The following UBE2QL1 variants were observed in gnomAD, a reference collection of about 807,000 sequenced individuals.
UBE2QL1 encodes the protein ubiquitin-conjugating enzyme E2Q-like protein 1.
A neutral mutation model predicts 12.6 loss-of-function variants in UBE2QL1; 5 were observed. The ratio of observed to expected loss-of-function variants is 0.40; its 90% confidence interval spans 0.21 to 0.83. The LOEUF (loss-of-function observed/expected upper bound fraction) is 0.83, where lower values mean the gene tolerates loss of function less well. Ranked by LOEUF, UBE2QL1 falls within the 40% of genes least tolerant of loss-of-function variation. The probability of loss-of-function intolerance (pLI) is 0.37; values close to 1 mark genes in which losing one functional copy is unlikely to be tolerated. For synonymous variants in UBE2QL1, 96 were observed against 94.5 expected (o/e 1.02, Z -0.10); for missense variants, 99 against 222.6 (o/e 0.44, Z 3.53).
chr5:6,490,400 G>T (rs778980638), intron 1 of UBE2QL1, among the ~76,000 whole-genome samples: 7 of 152,188 alleles, frequency 4.6e-5, no homozygotes, highest in Admixed American at 1.3e-4. Context: ...GTCTTGTGCC[G>T]TCATAAGATG....
At chr5:6,482,452 C>T (rs1249796540) in intron 1 of UBE2QL1, among the ~76,000 whole-genome samples, 1 of 152,218 alleles carries the variant, frequency 6.6e-6, no homozygotes, top group African/African-American at 2.4e-5. Context: ...CTGCTGCCCC[C>T]TCTCCTGCTT....
intron 1 of UBE2QL1, among the ~76,000 whole-genome samples, chr5:6,452,868 G>A (rs1207495829): frequency 6.6e-6 from 1 of 152,136 alleles, no homozygotes; most frequent in Non-Finnish European, 1.5e-5. Context: ...CAGCAGCAGG[G>A]TCCCCAAAAG....
At chr5:6,483,637 T>A (rs1485868006) in intron 1 of UBE2QL1, among the ~76,000 whole-genome samples, 1 of 152,202 alleles carries the variant, frequency 6.6e-6, no homozygotes, top group African/African-American at 2.4e-5. Flanking sequence ...CCTGGAAACA[T>A]TCTCGCTAGA....
intron 1 of UBE2QL1, among the ~76,000 whole-genome samples, chr5:6,455,883 C>T (rs1397426436): frequency 1.3e-5 from 2 of 152,124 alleles, no homozygotes; most frequent in East Asian, 1.9e-4. Flanking sequence ...CTTCAAAGCC[C>T]GACTTCTGTA....
At position 6,491,521 on chromosome 5, in the gene UBE2QL1, G is replaced by C; in HGVS notation, c.*172G>C. The C allele has an allele frequency of 1.2e-6, 1 of 844,112 alleles. No homozygotes were observed. The highest frequency in any genetic ancestry group is 1.7e-6 in the Non-Finnish European group (1 of 597,324). The allele number at this position is 844,112 out of a possible 1,614,324, so 52.3% of individuals were successfully genotyped here. A position where few individuals can be genotyped will look rare whatever the true frequency, so the allele number is the denominator to read the frequency against. The stretch of plus-strand genomic sequence containing the variant: ...GAAAAGATGTGTGTACAGAGAGGAA[G>C]AGGGAGCAAATGCCGTTCGGATTAT... On this transcript the variant is annotated 3_prime_UTR_variant, in exon 2 of 2. Transcript: ENST00000399816.
chr5:6,451,136 G>A (rs1231201030), intron 1 of UBE2QL1, among the ~76,000 whole-genome samples: 1 of 152,156 alleles, frequency 6.6e-6, no homozygotes, highest in African/African-American at 2.4e-5. Flanking sequence ...TTCCCTTCTG[G>A]GATCACAGAG....
chr5:6,469,624 G>A (rs1224091369), intron 1 of UBE2QL1, among the ~76,000 whole-genome samples: 5 of 150,190 alleles, frequency 3.3e-5, no homozygotes, highest in African/African-American at 9.8e-5. Flanking sequence ...AAATGAAAAT[G>A]TATGTTTAAA....
At chr5:6,457,557 C>A (rs1271067616) in intron 1 of UBE2QL1, among the ~76,000 whole-genome samples, 1 of 135,214 alleles carries the variant, frequency 7.4e-6, no homozygotes, top group Non-Finnish European at 1.5e-5. Flanking sequence ...CCCCTTCTTG[C>A]GATGCAACGT....
intron 1 of UBE2QL1, among the ~76,000 whole-genome samples, chr5:6,461,919 T>G (rs1157078244): frequency 2.0e-5 from 3 of 152,198 alleles, no homozygotes; most frequent in Non-Finnish European, 4.4e-5. Flanking sequence ...ATGTCCCATT[T>G]GGATAAGCCG....
rs1390281691 is a variant in UBE2QL1 at position 6,449,190 on chromosome 5, C to T, written c.297C>T (p.Ser99=). The T allele has an allele frequency of 1.3e-6, 2 of 1,503,002 alleles. No individual in the cohort carries two copies. Among genetic ancestry groups the T allele is most frequent in the Admixed American group, 2.1e-5 (1 of 47,652 alleles). 93.1% of individuals were successfully genotyped at this position (1,503,002 alleles called of 1,614,324 possible). ...TGCTCACGCCGCGCGGCTGGTCCAG[C>T]GCCTACACCGTGGAGGCCGTCATGC... ...MELLTPRGWS[S]AYTVEAVMRQ... The change falls in exon 1 of 2, where the codon AGC becomes AGT. Residue 99 remains serine, a synonymous_variant. Coordinates refer to ENST00000399816, the MANE Select transcript of UBE2QL1 (RefSeq NM_001145161.3).
At chr5:6,475,685 G>A (rs1400633456) in intron 1 of UBE2QL1, among the ~76,000 whole-genome samples, 4 of 137,504 alleles carry the variant, frequency 2.9e-5, no homozygotes, top group Admixed American at 7.7e-5. Flanking sequence ...GGGCCCGGGG[G>A]AAGTGTGAGC....
At chr5:6,454,272 A>T (rs1306107321) in intron 1 of UBE2QL1, among the ~76,000 whole-genome samples, 4 of 152,166 alleles carry the variant, frequency 2.6e-5, no homozygotes, top group Non-Finnish European at 5.9e-5. Context: ...AGGTGTCAGC[A>T]GGGCTCATTT....
chr5:6,459,525 C>T lies in UBE2QL1; in HGVS notation c.354+10278C>T, dbSNP rs549792824. 2.6e-5 allele frequency among the ~76,000 whole-genome samples: 4 copies of T among 152,214 alleles called. No homozygotes were observed. The South Asian group carries it at 8.3e-4, about 32-fold the overall frequency. On this transcript the variant is annotated intron_variant, in intron 1 of 1. Coordinates refer to ENST00000399816, the MANE Select transcript of UBE2QL1 (RefSeq NM_001145161.3). ...CATGGCCTCGAGGTGTCTGGGGACA[C>T]CTGCAGACTCCTCCCCAGAATAACG...
chr5:6,453,155 T>A (rs1170984633), intron 1 of UBE2QL1, among the ~76,000 whole-genome samples: 1 of 152,206 alleles, frequency 6.6e-6, no homozygotes, highest in Non-Finnish European at 1.5e-5. Context: ...TGTTTGAGGA[T>A]GTTTGAATCT....
intron 1 of UBE2QL1, among the ~76,000 whole-genome samples, chr5:6,483,228 G>A (rs1475264996): frequency 6.6e-6 from 1 of 152,138 alleles, no homozygotes; most frequent in Non-Finnish European, 1.5e-5. Context: ...TCAAGGTCAG[G>A]AGTTCAAGAC....
chr5:6,485,703 C>T (rs1179529066), intron 1 of UBE2QL1, among the ~76,000 whole-genome samples: 1 of 152,136 alleles, frequency 6.6e-6, no homozygotes, highest in African/African-American at 2.4e-5. Context: ...TTTACGTAAG[C>T]AGTCTGAAAA....
rs140808390 is a variant in UBE2QL1 at position 6,466,151 on chromosome 5, G to A, written c.354+16904G>A. ...GACTCGGCAGCCACGGCGATGCAGC[G>A]CCCAGCGTCTTCACGGTGGAACTAG... is the stretch of plus-strand genomic sequence containing the variant. On this transcript the variant is annotated intron_variant, in intron 1 of 1. Transcript: ENST00000399816. Among the ~76,000 whole-genome samples, 519 of 152,230 alleles carry A rather than the reference G, an allele frequency of 3.4e-3. 5 individuals are homozygous for A. Among genetic ancestry groups the A allele is most frequent in the African/African-American group, 0.012 (493 of 41,538 alleles).
intron 1 of UBE2QL1, among the ~76,000 whole-genome samples, chr5:6,454,049 T>C (rs1739467580): frequency 6.6e-6 from 1 of 151,744 alleles, no homozygotes; most frequent in Admixed American, 6.6e-5. Context: ...CCCAGCTAAT[T>C]TTGTTTATTT....
chr5:6,456,637 C>T (rs558050204), intron 1 of UBE2QL1, among the ~76,000 whole-genome samples: 5 of 152,308 alleles, frequency 3.3e-5, no homozygotes, highest in South Asian at 2.1e-4. Context: ...TGACGTTGCC[C>T]TTGGCATTCC....
Sources: allele counts gnomAD v4.1 joint callset (sites outside exome capture counted in the v4.1 genomes callset), GRCh38; gene constraint gnomAD v4.1.1; transcripts MANE v1.5; gene names NCBI Gene and HGNC (gene_info 2026-07-23, HGNC 2026-07-21).